The following SMG6 variants were observed in gnomAD, a reference collection of about 807,000 sequenced individuals.
SMG6 encodes the protein telomerase-binding protein EST1A.
In SMG6, 66 loss-of-function variants were observed where a neutral mutation model predicts 142.2. The observed-to-expected ratio is 0.46, with a 90% CI of 0.38 to 0.57. The LOEUF is 0.57. Among genes scored for constraint, SMG6 ranks in the 20% least tolerant of loss-of-function variants. The probability of loss-of-function intolerance (pLI) is 0.00; values close to 1 mark genes in which losing one functional copy is unlikely to be tolerated. For synonymous variants in SMG6, 779 were observed against 702.4 expected (o/e 1.11, Z -1.72); for missense variants, 1,793 against 1,832.0 (o/e 0.98, Z 0.39).
intron 1 of SMG6, among the ~76,000 whole-genome samples, chr17:2,301,546 T>A (rs923211897): frequency 1.3e-5 from 2 of 152,120 alleles, no homozygotes; most frequent in African/African-American, 4.8e-5. Flanking sequence ...ATACAGGACT[T>A]TAGAAACCAC....
chr17:2,151,786 A>G (rs2070833273), intron 13 of SMG6, among the ~76,000 whole-genome samples: 1 of 152,146 alleles, frequency 6.6e-6, no homozygotes, highest in Non-Finnish European at 1.5e-5. Flanking sequence ...ATTCCACACA[A>G]CATGAAAGAG....
At chr17:2,078,537 A>G (rs2068323510) in intron 15 of SMG6, among the ~76,000 whole-genome samples, 1 of 151,408 alleles carries the variant, frequency 6.6e-6, no homozygotes, top group Non-Finnish European at 1.5e-5. Context: ...ACACTCAGCT[A>G]GTTTTTGTAT....
rs1055243832 is a variant in SMG6 at position 2,123,089 on chromosome 17, G to A, written c.3358-37188C>T. 2.0e-5 allele frequency among the ~76,000 whole-genome samples: 3 copies of A among 151,170 alleles called. No homozygotes were observed. In the East Asian group the frequency reaches 5.8e-4, roughly 29 times the overall value. On this transcript the variant is annotated intron_variant, in intron 13 of 18. Transcript: ENST00000263073. Reference sequence around the variant, plus strand: ...ACGCTAGACAATGCTGCCGCATAACGCTGGCTGCTCCACCGCAGCCCTGAA... The same window carrying A: ...ACGCTAGACAATGCTGCCGCATAACACTGGCTGCTCCACCGCAGCCCTGAA...
chr17:2,172,154 C>A (rs1345203312), intron 13 of SMG6, among the ~76,000 whole-genome samples: 3 of 152,108 alleles, frequency 2.0e-5, no homozygotes, highest in African/African-American at 7.2e-5. Context: ...AAAATAGAAA[C>A]CAGGCAGTGG....
chr17:2,215,169 A>G (rs1419053062), intron 10 of SMG6, among the ~76,000 whole-genome samples: 3 of 152,182 alleles, frequency 2.0e-5, no homozygotes, highest in African/African-American at 7.2e-5. Flanking sequence ...TGTAATGTGA[A>G]GAGTGGCTGC....
At chr17:2,072,221 G>C (rs1013172482) in intron 15 of SMG6, among the ~76,000 whole-genome samples, 6 of 152,142 alleles carry the variant, frequency 3.9e-5, no homozygotes, top group African/African-American at 1.4e-4. Context: ...GGTTCAGACA[G>C]ACTGGCCCTG....
intron 8 of SMG6, among the ~76,000 whole-genome samples, chr17:2,278,327 C>A (rs987553640): frequency 4.6e-5 from 7 of 152,020 alleles, no homozygotes; most frequent in Admixed American, 3.3e-4. Flanking sequence ...CTCAGCCTCC[C>A]GAGTAGCTGG....
chr17:2,222,739 A>C (rs1158057573), intron 10 of SMG6, among the ~76,000 whole-genome samples: 2 of 152,204 alleles, frequency 1.3e-5, no homozygotes, highest in Non-Finnish European at 2.9e-5. Context: ...GAGACCACTT[A>C]GGAGTTTCAA....
At chr17:2,080,333 G>A (rs1016238501) in intron 15 of SMG6, among the ~76,000 whole-genome samples, 3 of 151,978 alleles carry the variant, frequency 2.0e-5, no homozygotes, top group African/African-American at 7.3e-5. Flanking sequence ...CAAGAGAATC[G>A]CTGGAACCCG....
At chr17:2,220,986 T>C (rs1239667181) in intron 10 of SMG6, among the ~76,000 whole-genome samples, 1 of 152,178 alleles carries the variant, frequency 6.6e-6, no homozygotes, top group Non-Finnish European at 1.5e-5. Flanking sequence ...GTTAGGTGAA[T>C]GTAAAAATAT....
At position 2,068,623 on chromosome 17, in the gene SMG6, GTTTTCTT is replaced by G. The variant is rs1483540081; in HGVS notation, c.3835+148_3835+154del. 6.6e-6 allele frequency among the ~76,000 whole-genome samples: 1 copy of G among 152,234 alleles called. No homozygotes were observed. Among genetic ancestry groups the G allele is most frequent in the Non-Finnish European group, 1.5e-5 (1 of 68,042 alleles). On this transcript the variant is annotated intron_variant, in intron 16 of 18. Transcript: ENST00000263073. The surrounding 1 kb of genome is among the most constrained non-coding windows in gnomAD (Gnocchi z 6.7). ...TGTGAACTACTTTGATTATTAAACA[GTTTTCTT>G]TGCCCCACGCGTTCCCTACTCCCCT...
intron 10 of SMG6, among the ~76,000 whole-genome samples, chr17:2,218,088 A>C (rs2073068909): frequency 6.6e-6 from 1 of 152,004 alleles, no homozygotes; most frequent in Admixed American, 6.6e-5. Flanking sequence ...TTAAATGTTT[A>C]AATGTCTGGC....
At chr17:2,247,560 G>A (rs1477769015) in intron 8 of SMG6, among the ~76,000 whole-genome samples, 1 of 152,194 alleles carries the variant, frequency 6.6e-6, no homozygotes, top group Non-Finnish European at 1.5e-5. Context: ...AGCCAAGGCA[G>A]GTAGATCATC....
At chr17:2,302,936 G>A (rs892073180) in intron 1 of SMG6, 2 of 983,444 alleles carry the variant, frequency 2.0e-6, no homozygotes, top group Non-Finnish European at 2.4e-6. Context: ...ACCTAGAGAA[G>A]GCACCTATCA....
chr17:2,071,434 G>C lies in SMG6; in HGVS notation c.3682-2503C>G, dbSNP rs2068096824. 6.6e-6 allele frequency among the ~76,000 whole-genome samples: 1 copy of C among 152,212 alleles called. No individual in the cohort carries two copies. The highest frequency in any genetic ancestry group is 2.4e-5 in the African/African-American group (1 of 41,448). On this transcript the variant is annotated intron_variant, in intron 15 of 18. Transcript: ENST00000263073. This position sits in a 1 kb window ranked among gnomAD's most constrained non-coding sequence, Gnocchi z 5.6. Reference sequence around the variant, plus strand: ...CAGGACAGAAGAAAAATCTAGAAGCGAGGTCCAGAGACGCTCTAAATTCCC... The same window carrying C: ...CAGGACAGAAGAAAAATCTAGAAGCCAGGTCCAGAGACGCTCTAAATTCCC...
chr17:2,288,845 T>C (rs1042048957), intron 6 of SMG6, among the ~76,000 whole-genome samples: 7 of 151,726 alleles, frequency 4.6e-5, no homozygotes, highest in East Asian at 1.9e-4. Flanking sequence ...TTTGGGAGGC[T>C]GAGGTGGGCG....
At chr17:2,253,041 G>C (rs2074082328) in intron 8 of SMG6, among the ~76,000 whole-genome samples, 2 of 152,032 alleles carry the variant, frequency 1.3e-5, no homozygotes, top group Admixed American at 1.3e-4. Context: ...TATTGTCAGT[G>C]GCTGCTTTCC....
chr17:2,063,649 A>G (rs1443416593), intron 18 of SMG6, among the ~76,000 whole-genome samples: 3 of 152,188 alleles, frequency 2.0e-5, no homozygotes, highest in Non-Finnish European at 4.4e-5. Flanking sequence ...CTCAGGAGGT[A>G]CCCCTCTAGG....
At chr17:2,123,965 C>G (rs141433163) in intron 13 of SMG6, among the ~76,000 whole-genome samples, 32 of 152,362 alleles carry the variant, frequency 2.1e-4, no homozygotes, top group Non-Finnish European at 2.9e-4. Context: ...GTGCTTTACA[C>G]TGAGAGGCCA....
Sources: gnomAD v4.1 joint callset for allele counts (sites outside exome capture counted in the v4.1 genomes callset) on GRCh38, gnomAD v4.1.1 for gene constraint, Gnocchi (gnomAD v3.1) non-coding constraint, MANE v1.5 for transcripts, NCBI Gene and HGNC (gene_info 2026-07-23, HGNC 2026-07-21) for gene names.